Variants in MED13L observed in about 807,000 individuals in gnomAD.
The protein encoded by MED13L is mediator complex subunit 13L, also known as mediator of RNA polymerase II transcription subunit 13-like.
Under a neutral mutation model 220.9 loss-of-function variants are expected in MED13L, and 7 were observed. The ratio of observed to expected loss-of-function variants is 0.03; its 90% CI spans 0.02 to 0.06. The LOEUF is 0.06. Ranked by LOEUF, MED13L falls within the 10% of genes least tolerant of loss-of-function variation. The pLI is 1.00. For synonymous variants in MED13L, 1,011 were observed against 1,015.2 expected, an observed-to-expected ratio of 1.00 and a Z score of 0.08; for missense variants, 1,965 against 2,760.5, an observed-to-expected ratio of 0.71 and a Z score of 6.46.
At chr12:116,056,432 T>C (rs1038309853) in intron 4 of MED13L, among the ~76,000 whole-genome samples, 7 of 152,068 alleles carry the variant, frequency 4.6e-5, no homozygotes, top group Non-Finnish European at 8.8e-5. Flanking sequence ...TTTTGTCATG[T>C]TGCCCAGGCT....
At chr12:116,237,819 A>G (rs1452332432) in intron 1 of MED13L, 114 bp from the exon 2 acceptor site, 10 of 902,942 alleles carry the variant, frequency 1.1e-5, no homozygotes, top group South Asian at 9.6e-5. Flanking sequence ...ACGAAACTTC[A>G]TATCATAAGA....
At chr12:116,237,201 C>A (rs1195392534) in intron 2 of MED13L, among the ~76,000 whole-genome samples, 2 of 152,146 alleles carry the variant, frequency 1.3e-5, no homozygotes, top group African/African-American at 4.8e-5. Context: ...CTGGTTTCCA[C>A]CCCACCGCAC....
chr12:115,963,445 T>A lies in MED13L; in HGVS notation c.6462A>T (p.Pro2154=). ...LLPARNSQRV[P]HPLDSKTTSD... Reference sequence around the variant, plus strand: ...ACGTGGTTTTGGAGTCAAGAGGGTGTGGAACCCGCTGAGAATTCCTGGCAG... The same window carrying A: ...ACGTGGTTTTGGAGTCAAGAGGGTGAGGAACCCGCTGAGAATTCCTGGCAG... Residue 2154 remains proline, a synonymous_variant, in exon 30 of 31, where the codon CCA becomes CCT. Coordinates refer to ENST00000281928, the MANE Select transcript of MED13L (RefSeq NM_015335.5). 1.2e-6 allele frequency: 2 copies of A among 1,614,210 alleles called. No homozygotes were observed. Among genetic ancestry groups the A allele is most frequent in the Non-Finnish European group, 1.7e-6 (2 of 1,180,010 alleles).
At position 116,239,630 on chromosome 12, in the gene MED13L, A is replaced by G. The variant is rs148136958; in HGVS notation, c.73-1925T>C. Among the ~76,000 whole-genome samples the G allele has an allele frequency of 5.9e-4, 90 of 152,290 alleles. No individual in the cohort carries two copies. The East Asian group carries it at 0.016, about 27-fold the overall frequency. On this transcript the variant is annotated intron_variant, in intron 1 of 30. Transcript: ENST00000281928. ...TATTTCCACTACTGTAATTACTATAATTGGTTAACATCCTTGAACACTGTT... is the reference window on the plus strand; with the variant it reads ...TATTTCCACTACTGTAATTACTATAGTTGGTTAACATCCTTGAACACTGTT...
At chr12:116,274,912 ATCCTC>A (rs941848525) in intron 1 of MED13L, among the ~76,000 whole-genome samples, 4 of 151,960 alleles carry the variant, frequency 2.6e-5, no homozygotes, top group Non-Finnish European at 4.4e-5. Flanking sequence ...AAAGTACAGA[ATCCTC>A]TCCTACAAAA....
intron 1 of MED13L, among the ~76,000 whole-genome samples, chr12:116,269,372 AGCC>A (rs1397843083): frequency 1.3e-5 from 2 of 150,638 alleles, no homozygotes; most frequent in Non-Finnish European, 3.0e-5. Flanking sequence ...CTAGGTATTA[AGCC>A]CAGCATCCAT....
rs371413527 is a variant in MED13L, at chr12:115,986,666, CTTAA to C, written c.4115-181_4115-178del. Among the ~76,000 whole-genome samples, 41 of 152,234 alleles carry C rather than the reference CTTAA, an allele frequency of 2.7e-4. 5 individuals carry two copies. Among genetic ancestry groups the C allele is most frequent in the South Asian group, 2.1e-3 (10 of 4,826 alleles). On this transcript the variant is annotated intron_variant, in intron 18 of 30. Transcript: ENST00000281928. ...AATTAAATGGTCACTGATGAGGACT[CTTAA>C]TTAAGTAAGTCAGAATTTGTTTATA... is the stretch of plus-strand genomic sequence containing the variant.
At position 115,991,734 on chromosome 12, in the gene MED13L, A is replaced by T. The variant is rs780197780; in HGVS notation, c.3220T>A (p.Tyr1074Asn). The T allele has an allele frequency of 3.1e-6, 5 of 1,613,946 alleles. No individual in the cohort carries two copies. In the South Asian group the frequency reaches 5.5e-5, roughly 18 times the overall value. The change falls in exon 17 of 31, where the codon TAT becomes AAT. Residue 1074 changes from tyrosine (Y) to asparagine (N), a missense_variant. Coordinates refer to ENST00000281928, the MANE Select transcript of MED13L (RefSeq NM_015335.5). The surrounding 1 kb of genome is among the most constrained non-coding windows in gnomAD (Gnocchi z 7.7). ...GGTGATCCTTGATCGGTGCTATCAT[A>T]CTTAACAGACCCTTGACCACTGGCA... ...GTASGQGSVK[Y>N]DSTDQGSPAS...
At position 115,984,200 on chromosome 12, in the gene MED13L, T is replaced by A; in HGVS notation, c.4511A>T (p.Gln1504Leu). ...TTTACCTAGGTGATGGCGGCAAACT[T>A]GCGCATAAAGTTTGAGTCTGGAATG... ...DNHSRLKLYAQVCRHHLAPYL... is the reference protein window; with the variant it reads ...DNHSRLKLYALVCRHHLAPYL... The change falls in exon 20 of 31, where the codon CAA (glutamine) becomes CTA (leucine). Residue 1504 changes from glutamine to leucine, a missense_variant. This residue lies in a region of MED13L where 510 missense variants were observed against 620.4 expected (regional missense o/e 0.82). Transcript: ENST00000281928. The A allele has an allele frequency of 6.2e-7, 1 of 1,613,956 alleles. No individual in the cohort carries two copies. The highest frequency in any genetic ancestry group is 8.5e-7 in the Non-Finnish European group (1 of 1,179,968).
intron 3 of MED13L, among the ~76,000 whole-genome samples, chr12:116,108,428 C>T (rs970724320): frequency 2.1e-5 from 3 of 145,824 alleles, no homozygotes; most frequent in Admixed American, 6.8e-5. Flanking sequence ...GTGAGCTGTG[C>T]GTAATTTTCA....
chr12:115,987,058 A>C (rs548694333), intron 18 of MED13L, 51 bp downstream of exon 18: 3 of 1,581,316 alleles, frequency 1.9e-6, no homozygotes, highest in African/African-American at 1.3e-5. Flanking sequence ...GCTGCTCTTC[A>C]CTGAACAGCA....
intron 4 of MED13L, among the ~76,000 whole-genome samples, chr12:116,092,463 T>C (rs537761152): frequency 4.7e-4 from 72 of 151,892 alleles, no homozygotes; most frequent in African/African-American, 1.6e-3. Context: ...GAAAATGGAA[T>C]AGCAGGTTGT....
intron 4 of MED13L, among the ~76,000 whole-genome samples, chr12:116,030,022 G>A (rs1440387170): frequency 1.3e-5 from 2 of 152,120 alleles, no homozygotes; most frequent in Admixed American, 6.5e-5. Flanking sequence ...AGGCTGCAGT[G>A]CAGTGGCATG....
At chr12:116,059,636 T>C (rs1370614686) in intron 4 of MED13L, among the ~76,000 whole-genome samples, 1 of 152,130 alleles carries the variant, frequency 6.6e-6, no homozygotes, top group Non-Finnish European at 1.5e-5. Flanking sequence ...CAGGCTGGTC[T>C]CGAACTCCTG....
intron 1 of MED13L, among the ~76,000 whole-genome samples, chr12:116,252,804 G>GA (rs1555226958): frequency 7.1e-4 from 107 of 151,496 alleles, no homozygotes; most frequent in African/African-American, 2.4e-3. Context: ...CCAATATCAG[G>GA]AAAAAAAAGG....
intron 2 of MED13L, among the ~76,000 whole-genome samples, chr12:116,142,308 T>G (rs1877145804): frequency 6.6e-6 from 1 of 152,186 alleles, no homozygotes. Context: ...TGGTAAATAG[T>G]AGCACTCAAA....
intron 3 of MED13L, among the ~76,000 whole-genome samples, chr12:116,098,755 T>C (rs1204316441): frequency 6.6e-6 from 1 of 152,138 alleles, no homozygotes; most frequent in Non-Finnish European, 1.5e-5. Flanking sequence ...CAAATCTCTT[T>C]TCCTAAGCTT....
intron 2 of MED13L, among the ~76,000 whole-genome samples, chr12:116,123,678 ACTATGAGTAATC>A (rs1191409450): frequency 6.6e-6 from 1 of 152,132 alleles, no homozygotes; most frequent in East Asian, 1.9e-4. Flanking sequence ...CACTGCTATT[ACTATGAGTAATC>A]CTTGCAGCTG....
At chr12:115,982,049 T>TGTC (rs1877366560) in intron 22 of MED13L, 1 of 264,852 alleles carries the variant, frequency 3.8e-6, no homozygotes, top group South Asian at 4.6e-5. Context: ...AGACCTCATG[T>TGTC]GATGTATTGC....
Sources: allele counts gnomAD v4.1 joint callset (sites outside exome capture counted in the v4.1 genomes callset), GRCh38; gene constraint gnomAD v4.1.1; regional missense constraint gnomAD v4.1.1; non-coding constraint Gnocchi (gnomAD v3.1); transcripts MANE v1.5; gene names NCBI Gene and HGNC (gene_info 2026-07-23, HGNC 2026-07-21).